STARD3NL: variants seen among roughly 807,000 people sequenced by gnomAD.
STARD3NL encodes STARD3 N-terminal like, also known as STARD3 N-terminal-like protein.
In STARD3NL, 17 loss-of-function variants were observed where a neutral mutation model predicts 30.9. The observed-to-expected ratio is 0.55, with a 90% CI of 0.38 to 0.82. The LOEUF (loss-of-function observed/expected upper bound fraction) is 0.82, where lower values mean the gene tolerates loss of function less well. Among genes scored for constraint, STARD3NL ranks in the 40% least tolerant of loss-of-function variants. The pLI is 0.00. For synonymous variants in STARD3NL, 112 were observed against 100.5 expected (o/e 1.11, Z -0.69); for missense variants, 234 against 277.6 (o/e 0.84, Z 1.12).
At chr7:38,186,167 G>A (rs1784448838) in intron 1 of STARD3NL, among the ~76,000 whole-genome samples, 1 of 152,144 alleles carries the variant, frequency 6.6e-6, no homozygotes, top group African/African-American at 2.4e-5. Flanking sequence ...ATATTCATAG[G>A]AATATTTATA....
In STARD3NL at chr7:38,200,595, G is replaced by T. The variant is rs114866923; in HGVS notation, c.-58-6852G>T. The stretch of plus-strand genomic sequence containing the variant: ...TCTTATTTTAAGGGCTAATAATGCA[G>T]AAATCAAGAGTTTCCTACAGAGCAT... On this transcript the variant is annotated intron_variant, in intron 1 of 8. Transcript: ENST00000009041. Among the ~76,000 whole-genome samples, 920 of 152,260 alleles carry T rather than the reference G, an allele frequency of 6.0e-3. 11 individuals are homozygous for T. Among genetic ancestry groups the T allele is most frequent in the African/African-American group, 0.021 (888 of 41,548 alleles).
At chr7:38,200,658 CTTCCCAAAT>C (rs1356732882) in intron 1 of STARD3NL, among the ~76,000 whole-genome samples, 4 of 152,122 alleles carry the variant, frequency 2.6e-5, no homozygotes, top group Admixed American at 2.0e-4. Context: ...TTCACCAGTG[CTTCCCAAAT>C]TTCCCAGTTT....
intron 2 of STARD3NL, among the ~76,000 whole-genome samples, chr7:38,211,087 AAAAT>A (rs369551319): frequency 2.9e-4 from 44 of 152,368 alleles, no homozygotes; most frequent in African/African-American, 8.9e-4. Context: ...ATTAATAACT[AAAAT>A]AAATTTAACC....
At chr7:38,214,316 A>T (rs1040074407) in intron 2 of STARD3NL, 41 bp from the exon 3 acceptor site, 3 of 1,317,864 alleles carry the variant, frequency 2.3e-6, no homozygotes, top group Non-Finnish European at 3.2e-6. Flanking sequence ...ATTTCCACAC[A>T]TAAACCTCTC....
chr7:38,197,345 C>A (rs1784972494), intron 1 of STARD3NL, among the ~76,000 whole-genome samples: 1 of 151,766 alleles, frequency 6.6e-6, no homozygotes, highest in Non-Finnish European at 1.5e-5. Flanking sequence ...CCTGCCTCAG[C>A]CTCCCGAGTA....
intron 4 of STARD3NL, chr7:38,216,288 A>G (rs1786105659): frequency 6.6e-6 from 1 of 152,216 alleles, no homozygotes; most frequent in South Asian, 2.1e-4. Flanking sequence ...TAATTTAGCA[A>G]ATCATTTTAT....
rs547754293 is a variant in STARD3NL, at chr7:38,197,534, A to G, written c.-58-9913A>G. On this transcript the variant is annotated intron_variant, in intron 1 of 8. Coordinates refer to ENST00000009041, the MANE Select transcript of STARD3NL (RefSeq NM_032016.4). ...TTCTTTTTTTAAGAATAGCTTATCT[A>G]CAAACCATCTTTGAGGTGTTTTCAA... 8.9e-4 allele frequency among the ~76,000 whole-genome samples: 135 copies of G among 152,268 alleles called. 2 individuals are homozygous for G. In the South Asian group the frequency reaches 0.026, roughly 29 times the overall value.
intron 4 of STARD3NL, chr7:38,216,348 C>T (rs1367040826): frequency 6.6e-6 from 1 of 152,134 alleles, no homozygotes; most frequent in Non-Finnish European, 1.5e-5. Context: ...AGTCTAGAAG[C>T]TGGAAGGAGG....
chr7:38,191,273 T>C (rs1372577697), intron 1 of STARD3NL, among the ~76,000 whole-genome samples: 1 of 152,222 alleles, frequency 6.6e-6, no homozygotes, highest in Non-Finnish European at 1.5e-5. Flanking sequence ...CTGCCATCTG[T>C]CTTTTATTTA....
At chr7:38,191,510 T>C (rs2116013496) in intron 1 of STARD3NL, among the ~76,000 whole-genome samples, 1 of 152,348 alleles carries the variant, frequency 6.6e-6, no homozygotes, top group East Asian at 1.9e-4. Flanking sequence ...TCTAAAGCTT[T>C]GTATTTTTAA....
intron 2 of STARD3NL, among the ~76,000 whole-genome samples, chr7:38,209,671 A>G (rs1368979177): frequency 6.6e-6 from 1 of 152,202 alleles, no homozygotes; most frequent in Non-Finnish European, 1.5e-5. Flanking sequence ...AAGTCCGGGC[A>G]TTCATTGCTT....
intron 1 of STARD3NL, among the ~76,000 whole-genome samples, chr7:38,186,234 A>G (rs527397181): frequency 6.6e-6 from 1 of 152,288 alleles, no homozygotes; most frequent in East Asian, 1.9e-4. Context: ...GGTTGACAGA[A>G]CTAATGAGTC....
intron 2 of STARD3NL, among the ~76,000 whole-genome samples, chr7:38,210,944 C>T (rs1191219337): frequency 2.6e-5 from 4 of 152,078 alleles, no homozygotes; most frequent in African/African-American, 9.7e-5. Context: ...GTTCTCTGGG[C>T]CTTTTGATCA....
At position 38,207,623 on chromosome 7, in the gene STARD3NL, A is replaced by G. The variant is rs1384002976; in HGVS notation, c.119A>G (p.Tyr40Cys). Reference protein sequence around the residue: ...PTQLMARIESYEGREKKGISD... With the variant: ...PTQLMARIESCEGREKKGISD... ...CAACTCATGGCCAGGATTGAGTCCT[A>G]TGAAGGAAGGGAAAAGAAAGGCATA... Residue 40 changes from tyrosine to cysteine, a missense_variant, in exon 2 of 9, where the codon TAT becomes TGT. Tyr to Cys is a radical substitution (Grantham distance 194). Coordinates refer to ENST00000009041, the MANE Select transcript of STARD3NL (RefSeq NM_032016.4). 1.7e-5 allele frequency: 28 copies of G among 1,613,960 alleles called. No individual in the cohort carries two copies. Among genetic ancestry groups the G allele is most frequent in the Non-Finnish European group, 2.4e-5 (28 of 1,179,944 alleles).
At chr7:38,209,646 T>A (rs1487038438) in intron 2 of STARD3NL, among the ~76,000 whole-genome samples, 3 of 152,154 alleles carry the variant, frequency 2.0e-5, no homozygotes, top group Non-Finnish European at 4.4e-5. Context: ...TTAAATTTAT[T>A]TTAACGTCAA....
chr7:38,215,011 T>C lies in STARD3NL; in HGVS notation c.304-17T>C. The C allele has an allele frequency of 1.9e-6, 3 of 1,611,172 alleles. No individual in the cohort carries two copies. Among genetic ancestry groups the C allele is most frequent in the Non-Finnish European group, 8.5e-7 (1 of 1,177,804 alleles). On this transcript the variant is annotated splice_polypyrimidine_tract_variant and intron_variant, in intron 3 of 8. Transcript: ENST00000009041. The stretch of plus-strand genomic sequence containing the variant: ...GTATATATTTTTTAAAACATCCCTT[T>C]ATTTTCTTACTTTCAGCTTCTGGCA...
At chr7:38,218,661 T>C (rs1562622481) in intron 6 of STARD3NL, among the ~76,000 whole-genome samples, 1 of 152,212 alleles carries the variant, frequency 6.6e-6, no homozygotes. Context: ...ATGACACACA[T>C]ACCTGGTATC....
Position 38,217,277 on chromosome 7 carries a change from G to A in STARD3NL, c.525G>A (p.Val175=), listed in dbSNP as rs1430578634. ...WIETWFLDFK[V]LPQEAEEENR... is the part of the protein sequence containing the mutation. ...AGACGTGGTTCCTGGATTTCAAAGT[G>A]TTACCTCAAGAAGCAGAAGAAGAAA... Residue 175 remains valine (V), a synonymous_variant, in exon 6 of 9, where the codon GTG becomes GTA. Transcript: ENST00000009041. The A allele has an allele frequency of 1.2e-6, 2 of 1,613,838 alleles. No individual in the cohort carries two copies. The highest frequency in any genetic ancestry group is 1.7e-6 in the Non-Finnish European group (2 of 1,179,946).
At chr7:38,210,917 G>C (rs1785763782) in intron 2 of STARD3NL, among the ~76,000 whole-genome samples, 1 of 152,068 alleles carries the variant, frequency 6.6e-6, no homozygotes, top group African/African-American at 2.4e-5. Context: ...TTTGGCCTTG[G>C]GCAAGCTGTT....
Sources: gnomAD v4.1 joint callset for allele counts (sites outside exome capture counted in the v4.1 genomes callset) on GRCh38, gnomAD v4.1.1 for gene constraint, MANE v1.5 for transcripts, NCBI Gene and HGNC (gene_info 2026-07-23, HGNC 2026-07-21) for gene names.